The following PRKN variants were observed in gnomAD, a reference collection of about 807,000 sequenced individuals.
The protein encoded by PRKN is parkin RBR E3 ubiquitin protein ligase.
Under a neutral mutation model 59.5 loss-of-function variants are expected in PRKN, and 56 were observed. The observed-to-expected ratio is 0.94, with a 90% CI of 0.76 to 1.18. The LOEUF (loss-of-function observed/expected upper bound fraction) is 1.18. PRKN is among the 50% of genes most tolerant of loss of function. The probability of loss-of-function intolerance (pLI) is 0.00; values close to 1 mark genes in which losing one functional copy is unlikely to be tolerated. For synonymous variants in PRKN, 250 were observed against 222.1 expected (o/e 1.13, Z -1.12); for missense variants, 657 against 596.4 (o/e 1.10, Z -1.06).
rs117061411 is a variant in PRKN at position 162,027,152 on chromosome 6, T to G, written c.618+26939A>C. Among the ~76,000 whole-genome samples, 24 of 152,270 alleles carry G rather than the reference T, an allele frequency of 1.6e-4. No individual in the cohort carries two copies. The East Asian group carries it at 3.9e-3, about 24-fold the overall frequency. On this transcript the variant is annotated intron_variant, in intron 5 of 11. Coordinates refer to ENST00000366898, the MANE Select transcript of PRKN (RefSeq NM_004562.3). Reference sequence around the variant, plus strand: ...CAAATTCTGCTCTCCCCAAAACCCATGTCAATCGTTAGTGTTTCAAGACTC... The same window carrying G: ...CAAATTCTGCTCTCCCCAAAACCCAGGTCAATCGTTAGTGTTTCAAGACTC...
At chr6:162,424,329 G>A (rs1317819387) in intron 2 of PRKN, among the ~76,000 whole-genome samples, 2 of 152,112 alleles carry the variant, frequency 1.3e-5, no homozygotes, top group East Asian at 3.9e-4. Context: ...TTGGATCCAT[G>A]TCACTAAACA....
intron 1 of PRKN, among the ~76,000 whole-genome samples, chr6:162,526,091 C>A (rs1207126245): frequency 6.6e-6 from 1 of 152,038 alleles, no homozygotes; most frequent in African/African-American, 2.4e-5. Flanking sequence ...GATCCGCCTG[C>A]CTTGGCCTCC....
chr6:162,606,117 TA>T lies in PRKN; in HGVS notation c.7+121544del, dbSNP rs142445769. 6.1e-3 allele frequency among the ~76,000 whole-genome samples: 936 copies of T among 152,228 alleles called. 9 individuals carry two copies. The highest frequency in any genetic ancestry group is 0.021 in the African/African-American group (885 of 41,558). ...CAGAATGTTTGAAGAAGAAGCAAAA[TA>T]GATGTGAACAAACAAATTCGTAGAT... On this transcript the variant is annotated intron_variant, in intron 1 of 11. Transcript: ENST00000366898.
chr6:162,106,270 T>A (rs1780189848), intron 4 of PRKN, among the ~76,000 whole-genome samples: 1 of 152,094 alleles, frequency 6.6e-6, no homozygotes, highest in South Asian at 2.1e-4. Context: ...GGGGGGTGAA[T>A]GTGCATATTT....
At chr6:162,448,973 C>T (rs1161366988) in intron 1 of PRKN, among the ~76,000 whole-genome samples, 5 of 151,892 alleles carry the variant, frequency 3.3e-5, no homozygotes, top group South Asian at 2.1e-4. Context: ...CTGCAACCTC[C>T]GCCTCGCAGG....
intron 2 of PRKN, among the ~76,000 whole-genome samples, chr6:162,363,894 C>T (rs1211509324): frequency 3.3e-5 from 5 of 152,164 alleles, no homozygotes; most frequent in African/African-American, 4.8e-5. Flanking sequence ...GCAAGGTCTT[C>T]CCCTAGACAA....
chr6:162,302,247 G>A (rs1319856703), intron 2 of PRKN, among the ~76,000 whole-genome samples: 1 of 152,074 alleles, frequency 6.6e-6, no homozygotes, highest in Non-Finnish European at 1.5e-5. Flanking sequence ...CAAGGTAGAT[G>A]CTCAACCTTA....
At chr6:162,363,610 A>G (rs1200815111) in intron 2 of PRKN, among the ~76,000 whole-genome samples, 4 of 764 alleles carry the variant, frequency 5.2e-3, no homozygotes, top group African/African-American at 0.024. Flanking sequence ...TGAAGCAAAG[A>G]CATCATCATT....
intron 7 of PRKN, among the ~76,000 whole-genome samples, chr6:161,756,965 AAG>A (rs920506954): frequency 1.3e-5 from 2 of 152,192 alleles, no homozygotes; most frequent in African/African-American, 4.8e-5. Flanking sequence ...ACTTTCAACA[AAG>A]GTGCAAGATC....
At chr6:161,501,340 A>G (rs145749939) in intron 9 of PRKN, among the ~76,000 whole-genome samples, 112 of 152,210 alleles carry the variant, frequency 7.4e-4, no homozygotes, top group African/African-American at 2.6e-3. Context: ...GAGGTATCTC[A>G]TTGTTTTAAT....
At position 161,765,263 on chromosome 6, in the gene PRKN, T is replaced by G. The variant is rs75136999; in HGVS notation, c.871+20509A>C. Among the ~76,000 whole-genome samples the G allele has an allele frequency of 4.5e-3, 684 of 152,288 alleles. 3 individuals carry two copies. Among genetic ancestry groups the G allele is most frequent in the Non-Finnish European group, 8.2e-3 (555 of 68,014 alleles). ...CCAGTCCCTTATTTAAATGGCAAAGTGGTCTTCCTTGTCTCTGAACCCGGG... is the reference window on the plus strand; with the variant it reads ...CCAGTCCCTTATTTAAATGGCAAAGGGGTCTTCCTTGTCTCTGAACCCGGG... On this transcript the variant is annotated intron_variant, in intron 7 of 11. Coordinates refer to ENST00000366898, the MANE Select transcript of PRKN (RefSeq NM_004562.3).
intron 4 of PRKN, among the ~76,000 whole-genome samples, chr6:162,142,319 C>T (rs150408131): frequency 1.7e-3 from 255 of 152,268 alleles, no homozygotes; most frequent in African/African-American, 5.5e-3. Context: ...AGCCTGCATC[C>T]GGCAGTCAGA....
At chr6:162,694,441 G>A (rs997161193) in intron 1 of PRKN, among the ~76,000 whole-genome samples, 2 of 152,042 alleles carry the variant, frequency 1.3e-5, no homozygotes, top group African/African-American at 4.8e-5. Context: ...GTGTCTTTAT[G>A]GCAGCTCTTA....
At chr6:161,608,760 G>C (rs138573236) in intron 7 of PRKN, among the ~76,000 whole-genome samples, 2 of 151,506 alleles carry the variant, frequency 1.3e-5, no homozygotes, top group African/African-American at 4.9e-5. Flanking sequence ...GGCTGGTTTC[G>C]AATTCCTGAC....
chr6:161,885,478 C>A (rs529840929), intron 6 of PRKN, among the ~76,000 whole-genome samples: 1 of 152,072 alleles, frequency 6.6e-6, no homozygotes, highest in Non-Finnish European at 1.5e-5. Context: ...TCCTGGCTAA[C>A]ACAGTGAAAC....
rs1777877510 is a variant in PRKN at position 161,499,504 on chromosome 6, G to T, written c.1083+49350C>A. Among the ~76,000 whole-genome samples, 1 of 152,046 alleles carries T rather than the reference G, an allele frequency of 6.6e-6. No individual in the cohort carries two copies. On this transcript the variant is annotated intron_variant, in intron 9 of 11. Coordinates refer to ENST00000366898, the MANE Select transcript of PRKN (RefSeq NM_004562.3). The surrounding 1 kb of genome is among the most constrained non-coding windows in gnomAD (Gnocchi z 4.2). ...TCATGTCACCTGTTGCTTCTTATTG[G>T]CTTTGGAATGTGGGACCTCTCTTCT...
intron 7 of PRKN, among the ~76,000 whole-genome samples, chr6:161,613,228 A>G (rs1211720612): frequency 6.6e-6 from 1 of 152,182 alleles, no homozygotes; most frequent in Non-Finnish European, 1.5e-5. Context: ...CAAGACTTCA[A>G]TGTAGGAAAT....
At chr6:161,663,521 T>C (rs779942090) in intron 7 of PRKN, among the ~76,000 whole-genome samples, 2 of 152,194 alleles carry the variant, frequency 1.3e-5, no homozygotes, top group Non-Finnish European at 2.9e-5. Context: ...GTGAAATATA[T>C]GAATATTCAT....
intron 4 of PRKN, among the ~76,000 whole-genome samples, chr6:162,101,913 T>G (rs543491964): frequency 6.3e-4 from 96 of 152,342 alleles, no homozygotes; most frequent in African/African-American, 2.2e-3. Flanking sequence ...TCTACACAAT[T>G]GGTCCATTCA....
Sources: allele counts gnomAD v4.1 joint callset (sites outside exome capture counted in the v4.1 genomes callset), GRCh38; gene constraint gnomAD v4.1.1; non-coding constraint Gnocchi (gnomAD v3.1); transcripts MANE v1.5; gene names NCBI Gene and HGNC (gene_info 2026-07-23, HGNC 2026-07-21).